Variants in TRPV5 observed in about 807,000 individuals in gnomAD.
The protein encoded by TRPV5 is transient receptor potential cation channel subfamily V member 5, also known as calcium transport protein 2.
TRPV5 carries 66 observed loss-of-function variants against 74.1 expected under a neutral mutation model. That is an observed-to-expected ratio of 0.89 (90% CI 0.73 to 1.09). The LOEUF (loss-of-function observed/expected upper bound fraction) is 1.09, where lower values mean the gene tolerates loss of function less well. TRPV5 is among the 50% of genes least tolerant of loss of function. The probability of loss-of-function intolerance (pLI) is 0.00; values close to 1 mark genes in which losing one functional copy is unlikely to be tolerated. For synonymous variants in TRPV5, 399 were observed against 360.7 expected (o/e 1.11, Z -1.20); for missense variants, 936 against 930.4 (o/e 1.01, Z -0.08).
chr7:142,913,169 T>C (rs557474926), intron 12 of TRPV5, among the ~76,000 whole-genome samples: 8 of 152,306 alleles, frequency 5.3e-5, no homozygotes, highest in Admixed American at 2.0e-4. Flanking sequence ...ACAGAACACA[T>C]GAACAGGCTA....
intron 12 of TRPV5, among the ~76,000 whole-genome samples, chr7:142,913,359 C>T (rs904651124): frequency 1.1e-4 from 17 of 152,190 alleles, no homozygotes; most frequent in Admixed American, 7.2e-4. Flanking sequence ...AGCCTCCTCA[C>T]TGCATAGGGA....
intron 7 of TRPV5, among the ~76,000 whole-genome samples, chr7:142,926,798 A>G (rs528513562): frequency 2.8e-4 from 42 of 152,368 alleles, no homozygotes; most frequent in African/African-American, 9.4e-4. Context: ...TTAATACCTA[A>G]GAAATCCTGC....
rs4252380 is a variant in TRPV5 at position 142,932,517 on chromosome 7, G to A, written c.128+815C>T. Among the ~76,000 whole-genome samples, 23 of 152,152 alleles carry A rather than the reference G, an allele frequency of 1.5e-4. 1 individual carries two copies. The highest frequency in any genetic ancestry group is 5.3e-4 in the African/African-American group (22 of 41,430). ...TTGAACAAAGCACAGGAATCTTCTGGAGTACAGGGGAGCCCTTTGTGACTG... is the reference window on the plus strand; with the variant it reads ...TTGAACAAAGCACAGGAATCTTCTGAAGTACAGGGGAGCCCTTTGTGACTG... On this transcript the variant is annotated intron_variant, in intron 1 of 14. Transcript: ENST00000265310.
At chr7:142,925,012 G>A in intron 8 of TRPV5, 1 of 174,772 alleles carries the variant, frequency 5.7e-6, no homozygotes, top group Admixed American at 5.4e-5. Flanking sequence ...ACTTCAGCCT[G>A]ATACCCAATC....
chr7:142,928,120 G>A lies in TRPV5; in HGVS notation c.877C>T (p.Leu293=). ...TTATCAGAGGAGACCACAAGCTCCA[G>A]GAAGGACAGCTCCTCTCCCCAGGAG... ...IDSWGEELSF[L]ELVVSSDKRE... is the part of the protein sequence containing the mutation. The change falls in exon 7 of 15, where the codon CTG becomes TTG. Residue 293 remains leucine, a synonymous_variant. Transcript: ENST00000265310. The A allele has an allele frequency of 6.2e-7, 1 of 1,614,186 alleles. No individual in the cohort carries two copies. The highest frequency in any genetic ancestry group is 8.5e-7 in the Non-Finnish European group (1 of 1,180,024).
Position 142,928,797 on chromosome 7 carries a change from A to G in TRPV5, c.656T>C (p.Leu219Pro). The change falls in exon 6 of 15, where the codon CTG becomes CCG. Residue 219 changes from leucine to proline, a missense_variant. Coordinates refer to ENST00000265310, the MANE Select transcript of TRPV5 (RefSeq NM_019841.7). ...GTCCCCATGTCCATCATAGGACAGC[A>G]GCAGGTTGTACATCTGGCAGGCAAA... is the stretch of plus-strand genomic sequence containing the variant. ...KTFACQMYNLLLSYDGHGDHL... is the reference protein window; with the variant it reads ...KTFACQMYNLPLSYDGHGDHL... The G allele has an allele frequency of 6.2e-7, 1 of 1,614,204 alleles. No homozygotes were observed. Among genetic ancestry groups the G allele is most frequent in the South Asian group, 1.1e-5 (1 of 91,084 alleles).
In TRPV5 at chr7:142,930,488, C is replaced by A. The variant is rs761979663; in HGVS notation, c.129-42G>T. On this transcript the variant is annotated intron_variant, in intron 1 of 14. Transcript: ENST00000265310. ...GTGAGTTTGGAAGAGACAGTCATAG[C>A]AGAATGAGGCCAAGAGCAAAGGGGA... 4 of 1,413,658 alleles carry A rather than the reference C, an allele frequency of 2.8e-6. No homozygotes were observed. The South Asian group carries it at 3.4e-5, about 12-fold the overall frequency. 87.6% of individuals were successfully genotyped at this position (1,413,658 alleles called of 1,614,324 possible).
intron 8 of TRPV5, among the ~76,000 whole-genome samples, chr7:142,921,906 A>G (rs1359358142): frequency 6.6e-6 from 1 of 152,142 alleles, no homozygotes; most frequent in Non-Finnish European, 1.5e-5. Flanking sequence ...GAGGCGTTTG[A>G]ATATGCATTC....
intron 8 of TRPV5, 161 bp downstream of exon 8, chr7:142,925,368 C>G: frequency 1.5e-6 from 1 of 674,932 alleles, no homozygotes; most frequent in South Asian, 1.8e-5. Context: ...TAAACCCCAT[C>G]TGTGGCCTCC....
chr7:142,931,559 G>T (rs1283082734), intron 1 of TRPV5, among the ~76,000 whole-genome samples: 1 of 152,174 alleles, frequency 6.6e-6, no homozygotes, highest in African/African-American at 2.4e-5. Context: ...CTAGACATAT[G>T]TGTATTGGCC....
intron 7 of TRPV5, among the ~76,000 whole-genome samples, chr7:142,926,225 G>T (rs1795987872): frequency 6.6e-6 from 1 of 152,160 alleles, no homozygotes; most frequent in South Asian, 2.1e-4. Flanking sequence ...AAATATAACA[G>T]AAAGCAACTG....
Position 142,929,580 on chromosome 7 carries a change from G to T in TRPV5, c.350-15C>A. 6.2e-7 allele frequency: 1 copy of T among 1,610,344 alleles called. No homozygotes were observed. The highest frequency in any genetic ancestry group is 8.5e-7 in the Non-Finnish European group (1 of 1,176,956). On this transcript the variant is annotated splice_polypyrimidine_tract_variant and intron_variant, in intron 3 of 14. Coordinates refer to ENST00000265310, the MANE Select transcript of TRPV5 (RefSeq NM_019841.7). Reference sequence around the variant, plus strand: ...TGCAGTCTGACCTGGCCCAGAGACAGCCATCATCAGGGTCTCCCTCTGTCC... The same window carrying T: ...TGCAGTCTGACCTGGCCCAGAGACATCCATCATCAGGGTCTCCCTCTGTCC...
chr7:142,928,279 G>A (rs369789678), intron 6 of TRPV5, 45 bp from the exon 7 acceptor site: 340 of 1,611,312 alleles, frequency 2.1e-4, no homozygotes, highest in Non-Finnish European at 2.6e-4. Flanking sequence ...GTGTGAGAAG[G>A]TGGTCGAGGA....
rs758267489 is a variant in TRPV5 at position 142,915,469 on chromosome 7, G to A, written c.1209+13C>T. ...ATGGGATGGGATTAGCCTGGACCCC[G>A]CCTGCCCCTCACCTCTAGGAGCAGG... On this transcript the variant is annotated intron_variant, in intron 9 of 14. Coordinates refer to ENST00000265310, the MANE Select transcript of TRPV5 (RefSeq NM_019841.7). The A allele has an allele frequency of 3.7e-5, 60 of 1,613,214 alleles. No individual in the cohort carries two copies. Among genetic ancestry groups the A allele is most frequent in the Non-Finnish European group, 5.0e-5 (59 of 1,179,412 alleles).
At position 142,933,569 on chromosome 7, in the gene TRPV5, G is replaced by T; in HGVS notation, c.-110C>A. ...GGTCTATTTGGGGCTGGGACTCTGA[G>T]TTTATCTCCTGTATGACTTGTGTAT... On this transcript the variant is annotated 5_prime_UTR_variant, in exon 1 of 15. Transcript: ENST00000265310. The T allele has an allele frequency of 7.0e-7, 1 of 1,430,494 alleles. No homozygotes were observed. The allele number at this position is 1,430,494 out of a possible 1,614,324, so 88.6% of individuals were successfully genotyped here. A position where few individuals can be genotyped will look rare whatever the true frequency, so the allele number is the denominator to read the frequency against.
At chr7:142,928,397 T>G (rs1796024805) in intron 6 of TRPV5, among the ~76,000 whole-genome samples, 163 bp from the exon 7 acceptor site, 1 of 152,198 alleles carries the variant, frequency 6.6e-6, no homozygotes, top group Admixed American at 6.5e-5. Flanking sequence ...TCATCTTTCC[T>G]GCTCCAAAAC....
At chr7:142,924,699 C>T (rs1795954592) in intron 8 of TRPV5, 1 of 152,046 alleles carries the variant, frequency 6.6e-6, no homozygotes, top group African/African-American at 2.4e-5. Context: ...TGGTCTTTTG[C>T]TTTCTGCTAC....
intron 8 of TRPV5, among the ~76,000 whole-genome samples, chr7:142,922,951 C>G (rs1795909598): frequency 6.6e-6 from 1 of 152,174 alleles, no homozygotes; most frequent in Non-Finnish European, 1.5e-5. Context: ...GCTTTACAAA[C>G]ATCAGCTTTT....
Position 142,929,442 on chromosome 7 carries a change from T to G in TRPV5, c.473A>C (p.Asn158Thr). Residue 158 changes from asparagine to threonine, a missense_variant, in exon 4 of 15, where the codon AAC becomes ACC. Coordinates refer to ENST00000265310, the MANE Select transcript of TRPV5 (RefSeq NM_019841.7). The part of the protein sequence containing the change: ...TGTAFRHSPR[N>T]LIYFGEHPLS... ...CCTGCTCTCACCAAAGTAGATGAGGTTGCGGGGACTATGGCGGAAGGCAGT... is the reference window on the plus strand; with the variant it reads ...CCTGCTCTCACCAAAGTAGATGAGGGTGCGGGGACTATGGCGGAAGGCAGT... The G allele has an allele frequency of 1.1e-5, 17 of 1,613,992 alleles. No homozygotes were observed. Among genetic ancestry groups the G allele is most frequent in the Non-Finnish European group, 1.4e-5 (17 of 1,179,956 alleles).
Sources: allele counts gnomAD v4.1 joint callset (sites outside exome capture counted in the v4.1 genomes callset), GRCh38; gene constraint gnomAD v4.1.1; transcripts MANE v1.5; gene names NCBI Gene and HGNC (gene_info 2026-07-23, HGNC 2026-07-21).